TUBB8: variants seen among roughly 807,000 people sequenced by gnomAD.
The protein encoded by TUBB8 is tubulin beta-8 chain.
In TUBB8, 25 loss-of-function variants were observed where a neutral mutation model predicts 33.7. The observed-to-expected ratio is 0.74, with a 90% CI of 0.54 to 1.04. TUBB8 has a LOEUF of 1.04. Among genes scored for constraint, TUBB8 ranks in the 50% least tolerant of loss-of-function variants. The pLI is 0.00. For synonymous variants in TUBB8, 245 were observed against 240.1 expected (o/e 1.02, Z -0.19); for missense variants, 279 against 608.0 (o/e 0.46, Z 5.69).
chr10:75,150 T>C (rs1834794105), upstream of TUBB8, among the ~76,000 whole-genome samples: 1 of 148,546 alleles, frequency 6.7e-6, no homozygotes, highest in African/African-American at 2.5e-5. Context: ...CATTCACACC[T>C]GGGATTACAG....
At chr10:76,227 C>G (rs1323212877), upstream of TUBB8, among the ~76,000 whole-genome samples, 3 of 152,058 alleles carry the variant, frequency 2.0e-5, no homozygotes, top group African/African-American at 4.8e-5. Context: ...AGTCCCCAGC[C>G]TCCCGACCGA....
chr10:57,094 T>G (rs1366696090), intron 1 of TUBB8, among the ~76,000 whole-genome samples: 1 of 152,244 alleles, frequency 6.6e-6, no homozygotes, highest in Non-Finnish European at 1.5e-5. Flanking sequence ...TATTGAATTT[T>G]AAGGCTCTAA....
chr10:50,558 T>G (rs1408638876), upstream of TUBB8, among the ~76,000 whole-genome samples: 7 of 152,144 alleles, frequency 4.6e-5, no homozygotes, highest in African/African-American at 1.7e-4. Context: ...CTGCAATTAA[T>G]TATACTCACT....
At chr10:72,122 G>C (rs1441973718) in intron 1 of TUBB8, among the ~76,000 whole-genome samples, 1 of 151,962 alleles carries the variant, frequency 6.6e-6, no homozygotes, top group African/African-American at 2.4e-5. Flanking sequence ...CTGCTCAGGA[G>C]GCTGAGGTAG....
intron 1 of TUBB8, among the ~76,000 whole-genome samples, chr10:61,067 G>A (rs1373015486): frequency 8.0e-6 from 1 of 125,100 alleles, no homozygotes; most frequent in Non-Finnish European, 1.6e-5. Context: ...ACACTCTGGG[G>A]ACTGTTGTGG....
chr10:65,163 A>G (rs1421848842), intron 1 of TUBB8, among the ~76,000 whole-genome samples: 2 of 152,110 alleles, frequency 1.3e-5, no homozygotes, highest in Non-Finnish European at 1.5e-5. Context: ...AAGGACTGAT[A>G]TTTACTGTTG....
chr10:47,780 G>A lies in TUBB8; in HGVS notation c.612C>T (p.Asn204=), dbSNP rs369736529. ...ENADETFCID[N]EALYDICSKT... is the part of the protein sequence containing the mutation. ...TGGAACATATGTCATACAGAGCTTC[G>A]TTATCTATGCAAAAGGTCTCATCTG... is the stretch of plus-strand genomic sequence containing the variant. The change falls in exon 4 of 4, where the codon AAC becomes AAT. Residue 204 remains asparagine (N), a synonymous_variant. Transcript: ENST00000568584. 183 of 1,614,132 alleles carry A rather than the reference G, an allele frequency of 1.1e-4. No individual in the cohort carries two copies. In the East Asian group the frequency reaches 1.9e-3, roughly 17 times the overall value.
rs370236476 is a variant in TUBB8 at position 62,047 on chromosome 10, A to G, written c.-845-11814T>C. ...TATTGTCTTGCTTCTCTATCCATTC[A>G]TCCACTATTTGTCTTTTGATTGGAG... On this transcript the variant is annotated intron_variant, in intron 1 of 3. Transcript: ENST00000564130. 2.6e-5 allele frequency among the ~76,000 whole-genome samples: 4 copies of G among 152,032 alleles called. No homozygotes were observed. In the South Asian group the frequency reaches 8.3e-4, roughly 32 times the overall value.
intron 1 of TUBB8, among the ~76,000 whole-genome samples, chr10:69,069 T>C (rs577427750): frequency 2.2e-4 from 33 of 152,344 alleles, no homozygotes; most frequent in African/African-American, 7.7e-4. Context: ...TGCCCGCAAC[T>C]GGTGATCTCA....
intron 1 of TUBB8, among the ~76,000 whole-genome samples, chr10:69,727 T>C (rs1834712875): frequency 1.3e-5 from 2 of 152,214 alleles, no homozygotes; most frequent in Admixed American, 6.5e-5. Context: ...AAACCTCATC[T>C]CTACAAAAAA....
chr10:55,187 C>T (rs192766432), intron 1 of TUBB8, among the ~76,000 whole-genome samples: 17,368 of 118,340 alleles, frequency 0.15, no homozygotes, highest in African/African-American at 0.26. Context: ...GGCGAGAGAG[C>T]ATATATGTGA....
chr10:65,682 G>A (rs1466863364), intron 1 of TUBB8, among the ~76,000 whole-genome samples: 2 of 152,198 alleles, frequency 1.3e-5, no homozygotes, highest in African/African-American at 4.8e-5. Flanking sequence ...CCGAGATCGT[G>A]CCACTGCACT....
chr10:67,726 C>G lies in TUBB8; in HGVS notation c.-846+6243G>C, dbSNP rs543743422. The stretch of plus-strand genomic sequence containing the variant: ...AGGCGTGAGCCACCATGCTCAGCCT[C>G]ATGTACAAGTCTTGTACCTTGGTTA... On this transcript the variant is annotated intron_variant, in intron 1 of 3. Transcript: ENST00000564130. Among the ~76,000 whole-genome samples the G allele has an allele frequency of 9.8e-5, 15 of 152,312 alleles. No homozygotes were observed. In the East Asian group the frequency reaches 2.9e-3, roughly 29 times the overall value.
chr10:59,675 T>C (rs1237151391), intron 1 of TUBB8, among the ~76,000 whole-genome samples: 3 of 152,282 alleles, frequency 2.0e-5, no homozygotes, highest in African/African-American at 7.2e-5. Flanking sequence ...GTTTGCTTTT[T>C]AAATGTGTCT....
At position 65,452 on chromosome 10, in the gene TUBB8, T is replaced by C. The variant is rs558316010; in HGVS notation, c.-846+8517A>G. 4.7e-3 allele frequency among the ~76,000 whole-genome samples: 720 copies of C among 152,220 alleles called. 2 individuals carry two copies. The highest frequency in any genetic ancestry group is 0.016 in the African/African-American group (679 of 41,490). ...TTAATAATGCTCAAGAGGCTGGGTG[T>C]GGTGGCTCACACCTGAAATCCCAGC... On this transcript the variant is annotated intron_variant, in intron 1 of 3. Transcript: ENST00000564130.
upstream of TUBB8, among the ~76,000 whole-genome samples, chr10:75,478 C>T (rs10904532): frequency 6.6e-6 from 1 of 150,630 alleles, no homozygotes; most frequent in South Asian, 2.1e-4. Flanking sequence ...CACATGAGGA[C>T]ACCCCATCCC....
Position 62,229 on chromosome 10 carries a change from T to G in TUBB8, c.-846+11740A>C, listed in dbSNP as rs140174295. On this transcript the variant is annotated intron_variant, in intron 1 of 3. Transcript: ENST00000564130. ...GATTTATCTTTTAATATTATCTAAT[T>G]TATTGCTTTTTACTTTTTGTACATC... Among the ~76,000 whole-genome samples, 1,365 of 152,302 alleles carry G rather than the reference T, an allele frequency of 9.0e-3. 5 individuals are homozygous for G. Among genetic ancestry groups the G allele is most frequent in the Non-Finnish European group, 0.014 (920 of 67,988 alleles).
At chr10:65,586 G>T (rs149641399) in intron 1 of TUBB8, among the ~76,000 whole-genome samples, 1 of 152,180 alleles carries the variant, frequency 6.6e-6, no homozygotes, top group African/African-American at 2.4e-5. Context: ...TTAGCCAGGC[G>T]TGGTGGCGGG....
chr10:55,896 G>A lies in TUBB8; in HGVS notation c.-845-5663C>T, dbSNP rs192403096. On this transcript the variant is annotated intron_variant, in intron 1 of 3. Coordinates refer to the TUBB8 transcript ENST00000564130. Reference sequence around the variant, plus strand: ...CTGTTTTAATTACTATAGCTTGATAGTATAATTTAAAACCAGGTAATGGGA... The same window carrying A: ...CTGTTTTAATTACTATAGCTTGATAATATAATTTAAAACCAGGTAATGGGA... Among the ~76,000 whole-genome samples the A allele has an allele frequency of 4.8e-3, 736 of 152,252 alleles. 2 individuals are homozygous for A. Among genetic ancestry groups the A allele is most frequent in the African/African-American group, 0.017 (692 of 41,512 alleles).
Sources: allele counts gnomAD v4.1 joint callset (sites outside exome capture counted in the v4.1 genomes callset), GRCh38; gene constraint gnomAD v4.1.1; transcripts MANE v1.5; gene names NCBI Gene and HGNC (gene_info 2026-07-23, HGNC 2026-07-21).